GRM8: variants seen among roughly 807,000 people sequenced by gnomAD.
GRM8 encodes the protein glutamate metabotropic receptor 8, also known as metabotropic glutamate receptor 8.
GRM8 carries 47 observed loss-of-function variants against 87.2 expected under a neutral mutation model. The ratio of observed to expected loss-of-function variants is 0.54; its 90% confidence interval spans 0.43 to 0.69. The LOEUF (loss-of-function observed/expected upper bound fraction) is 0.69. Among genes scored for constraint, GRM8 ranks in the 30% least tolerant of loss-of-function variants. GRM8 has a pLI of 0.00. For missense variants in GRM8, 1,019 were observed against 1,139.2 expected (o/e 0.89, Z 1.52); for synonymous variants, 396 against 404.5 (o/e 0.98, Z 0.25).
chr7:126,490,000 G>A (rs1048033390), intron 9 of GRM8, among the ~76,000 whole-genome samples: 1 of 152,018 alleles, frequency 6.6e-6, no homozygotes, highest in Non-Finnish European at 1.5e-5. Context: ...CAACCCCCCT[G>A]TAGTTTTCAG....
intron 3 of GRM8, among the ~76,000 whole-genome samples, chr7:127,022,896 T>C (rs971333941): frequency 2.6e-5 from 4 of 152,070 alleles, no homozygotes; most frequent in Non-Finnish European, 5.9e-5. Flanking sequence ...ATCTATAAAA[T>C]GAGAGCAAGA....
chr7:126,609,235 C>T, intron 8 of GRM8, 127 bp downstream of exon 8: 1 of 599,274 alleles, frequency 1.7e-6, no homozygotes, highest in Non-Finnish European at 2.8e-6. Flanking sequence ...AAGAGAGAAT[C>T]AAGTCATACA....
At chr7:127,016,794 C>G (rs928905095) in intron 3 of GRM8, among the ~76,000 whole-genome samples, 1 of 152,068 alleles carries the variant, frequency 6.6e-6, no homozygotes, top group Non-Finnish European at 1.5e-5. Context: ...GTAGAAGATT[C>G]ATGTTAAATG....
intron 7 of GRM8, among the ~76,000 whole-genome samples, chr7:126,613,878 G>A (rs74785142): frequency 0.017 from 2,642 of 152,268 alleles, 88 homozygotes; most frequent in African/African-American, 0.06. Context: ...AAAGCAGCCC[G>A]GATTCCCTCA....
Position 126,685,225 on chromosome 7 carries a change from C to G in GRM8, c.1358-75727G>C, listed in dbSNP as rs376042862. 6.6e-6 allele frequency among the ~76,000 whole-genome samples: 1 copy of G among 152,188 alleles called. No individual in the cohort carries two copies. Among genetic ancestry groups the G allele is most frequent in the Non-Finnish European group, 1.5e-5 (1 of 68,022 alleles). On this transcript the variant is annotated intron_variant, in intron 7 of 10. Transcript: ENST00000339582. The surrounding 1 kb of genome is among the most constrained non-coding windows in gnomAD (Gnocchi z 4.2). The stretch of plus-strand genomic sequence containing the variant: ...TGGGGGACCCCCTGGAGCCTACCAC[C>G]CTGGGGGCCACCATGATGGGGCCGG...
intron 7 of GRM8, among the ~76,000 whole-genome samples, chr7:126,695,149 T>C (rs1486696601): frequency 6.6e-6 from 1 of 152,190 alleles, no homozygotes; most frequent in Non-Finnish European, 1.5e-5. Context: ...AGAAAAACTA[T>C]TTCTAGGCAG....
intron 3 of GRM8, among the ~76,000 whole-genome samples, chr7:127,055,252 A>G (rs972115358): frequency 5.9e-5 from 9 of 152,192 alleles, no homozygotes; most frequent in Non-Finnish European, 1.3e-4. Context: ...AAAGAAGGAC[A>G]TGGCATCTAT....
intron 3 of GRM8, among the ~76,000 whole-genome samples, chr7:126,958,661 A>G (rs889380961): frequency 1.3e-5 from 2 of 152,314 alleles, no homozygotes; most frequent in African/African-American, 4.8e-5. Flanking sequence ...ACAAGTGGGC[A>G]TAACAGGCCC....
Position 126,533,662 on chromosome 7 carries a change from T to A in GRM8, c.1720A>T (p.Ile574Phe). Reference sequence around the variant, plus strand: ...GGAGAATGCCACTCCAATTTGATGATGGGGATAAGCTGGCAGCCTGTGCGG... The same window carrying A: ...GGAGAATGCCACTCCAATTTGATGAAGGGGATAAGCTGGCAGCCTGTGCGG... Reference protein sequence around the residue: ...MNRTGCQLIPIIKLEWHSPWA... With the variant: ...MNRTGCQLIPFIKLEWHSPWA... Residue 574 changes from isoleucine (I) to phenylalanine (F), a missense_variant, in exon 9 of 11, where the codon ATC becomes TTC. Transcript: ENST00000339582. The A allele has an allele frequency of 1.2e-6, 2 of 1,614,068 alleles. No homozygotes were observed. The highest frequency in any genetic ancestry group is 1.7e-6 in the Non-Finnish European group (2 of 1,179,990).
intron 6 of GRM8, among the ~76,000 whole-genome samples, chr7:126,820,365 T>C (rs1794184716): frequency 6.6e-6 from 1 of 152,224 alleles, no homozygotes; most frequent in Non-Finnish European, 1.5e-5. Context: ...CACTCACTAC[T>C]AATCAAAGAA....
chr7:126,553,714 C>A (rs1792841099), intron 8 of GRM8, among the ~76,000 whole-genome samples: 1 of 152,104 alleles, frequency 6.6e-6, no homozygotes, highest in Non-Finnish European at 1.5e-5. Flanking sequence ...TAACCTAATA[C>A]CCAATTGTAT....
At chr7:127,103,455 C>T (rs754848881) in intron 3 of GRM8, among the ~76,000 whole-genome samples, 28 of 152,130 alleles carry the variant, frequency 1.8e-4, no homozygotes, top group Non-Finnish European at 2.9e-4. Context: ...TGATTGTAGG[C>T]CTCCTGAGGC....
At chr7:126,472,028 C>T (rs1193854103) in intron 9 of GRM8, among the ~76,000 whole-genome samples, 2 of 152,134 alleles carry the variant, frequency 1.3e-5, no homozygotes, top group East Asian at 3.9e-4. Context: ...GATTTTTGCA[C>T]ATTGATTTTG....
chr7:126,712,934 A>C (rs1811269900), intron 7 of GRM8, among the ~76,000 whole-genome samples: 2 of 152,194 alleles, frequency 1.3e-5, no homozygotes, highest in African/African-American at 4.8e-5. Context: ...ATCATTAAAA[A>C]GTCAGGAAAA....
intron 9 of GRM8, among the ~76,000 whole-genome samples, chr7:126,449,183 G>T (rs1802344797): frequency 6.6e-6 from 1 of 151,676 alleles, no homozygotes; most frequent in African/African-American, 2.4e-5. Context: ...TTTTTTAAAA[G>T]ATAAAGTTTA....
chr7:126,671,446 CATG>C (rs57697428), intron 7 of GRM8, among the ~76,000 whole-genome samples: 3,054 of 152,330 alleles, frequency 0.02, 106 homozygotes, highest in African/African-American at 0.07. Context: ...ATCATTCCAT[CATG>C]ATGATATTTA....
intron 6 of GRM8, among the ~76,000 whole-genome samples, chr7:126,778,595 T>G (rs1394506968): frequency 6.6e-6 from 1 of 152,142 alleles, no homozygotes; most frequent in Non-Finnish European, 1.5e-5. Context: ...TCTACATAAT[T>G]ATCTTAGATC....
At chr7:126,552,141 C>T (rs544214319) in intron 8 of GRM8, among the ~76,000 whole-genome samples, 3 of 152,102 alleles carry the variant, frequency 2.0e-5, no homozygotes, top group Admixed American at 6.5e-5. Context: ...ATGCCTCGTC[C>T]GTTAATTTGT....
At chr7:126,587,919 A>G (rs530588644) in intron 8 of GRM8, among the ~76,000 whole-genome samples, 22 of 152,080 alleles carry the variant, frequency 1.4e-4, no homozygotes, top group African/African-American at 5.1e-4. Context: ...TAAAAAAAAA[A>G]AAAGAAAAAG....
Sources: allele counts gnomAD v4.1 joint callset (sites outside exome capture counted in the v4.1 genomes callset), GRCh38; gene constraint gnomAD v4.1.1; non-coding constraint Gnocchi (gnomAD v3.1); transcripts MANE v1.5; gene names NCBI Gene and HGNC (gene_info 2026-07-23, HGNC 2026-07-21).